Variants in LPAR1 observed in about 807,000 individuals in gnomAD.
LPAR1 encodes the protein LPA receptor 1.
A neutral mutation model predicts 23.8 loss-of-function variants in LPAR1; 5 were observed. The ratio of observed to expected loss-of-function variants is 0.21; its 90% CI spans 0.11 to 0.44. The LOEUF (loss-of-function observed/expected upper bound fraction) is 0.44. Ranked by LOEUF, LPAR1 falls within the 20% of genes least tolerant of loss-of-function variation. LPAR1 has a pLI of 0.99. For missense variants in LPAR1, 311 were observed against 482.8 expected (o/e 0.64, Z 3.33); for synonymous variants, 160 against 164.7 (o/e 0.97, Z 0.22).
chr9:111,009,311 C>T (rs1348353412), intron 2 of LPAR1, among the ~76,000 whole-genome samples: 3 of 151,602 alleles, frequency 2.0e-5, no homozygotes, highest in Non-Finnish European at 2.9e-5. Flanking sequence ...TCACTACAAA[C>T]GAATTACACA....
intron 2 of LPAR1, among the ~76,000 whole-genome samples, chr9:110,981,115 G>T (rs1470167871): frequency 6.6e-6 from 1 of 152,002 alleles, no homozygotes; most frequent in African/African-American, 2.4e-5. Context: ...TTAATCAGAG[G>T]TACTTGATAT....
chr9:110,999,392 C>T (rs2097085896), intron 2 of LPAR1: 2 of 456,020 alleles, frequency 4.4e-6, no homozygotes, highest in African/African-American at 4.0e-5. Flanking sequence ...CCCCACCCTA[C>T]CTCATTTTCC....
At chr9:110,884,336 G>A (rs1042574846) in intron 5 of LPAR1, among the ~76,000 whole-genome samples, 3 of 152,110 alleles carry the variant, frequency 2.0e-5, no homozygotes, top group African/African-American at 7.2e-5. Flanking sequence ...CCCTGATTAA[G>A]TCAAAAATCC....
At chr9:110,975,014 T>A (rs887837622) in intron 2 of LPAR1, among the ~76,000 whole-genome samples, 2 of 152,198 alleles carry the variant, frequency 1.3e-5, no homozygotes, top group East Asian at 1.9e-4. Context: ...CTCCCTCTTA[T>A]GTATTTATAA....
At chr9:110,917,192 A>T (rs1416965819) in intron 5 of LPAR1, among the ~76,000 whole-genome samples, 3 of 151,272 alleles carry the variant, frequency 2.0e-5, no homozygotes, top group Non-Finnish European at 1.5e-5. Context: ...ACAAAAAAAA[A>T]AAAAAAATTA....
intron 4 of LPAR1, among the ~76,000 whole-genome samples, chr9:110,949,742 T>C (rs1212469328): frequency 2.0e-5 from 3 of 152,182 alleles, no homozygotes; most frequent in African/African-American, 7.2e-5. Context: ...CTAAATAAAA[T>C]GCAAGTAAAT....
At chr9:110,925,508 G>C (rs953770103) in intron 5 of LPAR1, among the ~76,000 whole-genome samples, 2 of 152,144 alleles carry the variant, frequency 1.3e-5, no homozygotes, top group Admixed American at 6.5e-5. Flanking sequence ...ACTAGAGGAT[G>C]AATTTCTGGA....
chr9:111,020,792 T>C (rs890192028), intron 2 of LPAR1, among the ~76,000 whole-genome samples: 6 of 152,138 alleles, frequency 3.9e-5, no homozygotes, highest in South Asian at 2.1e-4. Context: ...TCCTGGCTGG[T>C]TTCCATATAA....
intron 5 of LPAR1, among the ~76,000 whole-genome samples, chr9:110,900,527 A>G (rs1033912496): frequency 1.3e-5 from 2 of 152,172 alleles, no homozygotes; most frequent in Non-Finnish European, 2.9e-5. Flanking sequence ...CTGTGCCGCA[A>G]GTACTTTCCT....
intron 2 of LPAR1, among the ~76,000 whole-genome samples, chr9:110,996,333 A>G (rs1395471539): frequency 6.6e-6 from 1 of 152,134 alleles, no homozygotes; most frequent in Non-Finnish European, 1.5e-5. Flanking sequence ...AAGGCAGGAC[A>G]ATCACTTGAG....
chr9:110,968,214 C>G (rs866709271), intron 4 of LPAR1, among the ~76,000 whole-genome samples: 1 of 152,248 alleles, frequency 6.6e-6, no homozygotes, highest in Non-Finnish European at 1.5e-5. Flanking sequence ...CCCATTTATG[C>G]TAATTCTAGC....
At chr9:110,974,232 C>A (rs1299133491) in intron 2 of LPAR1, among the ~76,000 whole-genome samples, 1 of 151,990 alleles carries the variant, frequency 6.6e-6, no homozygotes, top group South Asian at 2.1e-4. Context: ...CCTAGTTTCA[C>A]CAACATGCAA....
At chr9:111,025,695 C>T (rs949053170) in intron 2 of LPAR1, among the ~76,000 whole-genome samples, 2 of 152,136 alleles carry the variant, frequency 1.3e-5, no homozygotes. Flanking sequence ...ACATTTAAAT[C>T]TTTAATCCAC....
At chr9:110,877,091 C>A (rs2079310559) in intron 5 of LPAR1, among the ~76,000 whole-genome samples, 1 of 152,184 alleles carries the variant, frequency 6.6e-6, no homozygotes, top group South Asian at 2.1e-4. Context: ...TTAAATGGCG[C>A]TGGCTTTGGT....
chr9:110,948,800 T>C (rs1350288410), intron 4 of LPAR1, among the ~76,000 whole-genome samples: 3 of 151,916 alleles, frequency 2.0e-5, no homozygotes, highest in Admixed American at 2.0e-4. Context: ...TTAATACTAT[T>C]GGGAAACAGA....
chr9:110,982,906 A>T (rs903691180), intron 2 of LPAR1, among the ~76,000 whole-genome samples: 1 of 147,584 alleles, frequency 6.8e-6, no homozygotes, highest in African/African-American at 2.5e-5. Flanking sequence ...ACGGCCAAAC[A>T]TGAAGAGATG....
chr9:110,892,860 G>GGCAC (rs2084970929), intron 5 of LPAR1, among the ~76,000 whole-genome samples: 1 of 108,880 alleles, frequency 9.2e-6, no homozygotes, highest in Non-Finnish European at 2.1e-5. Context: ...CAGGCAGGCA[G>GGCAC]GCAGGCATGC....
intron 2 of LPAR1, among the ~76,000 whole-genome samples, chr9:111,018,764 T>G (rs1588887121): frequency 6.6e-6 from 1 of 152,218 alleles, no homozygotes; most frequent in African/African-American, 2.4e-5. Flanking sequence ...CAAATGATAT[T>G]ACTTTCAAAT....
chr9:110,894,801 A>G (rs2085730718), intron 5 of LPAR1, among the ~76,000 whole-genome samples: 1 of 151,980 alleles, frequency 6.6e-6, no homozygotes, highest in African/African-American at 2.4e-5. Flanking sequence ...GGATCGCTTG[A>G]GCCCAGGAGT....
Sources: allele counts gnomAD v4.1 joint callset (sites outside exome capture counted in the v4.1 genomes callset), GRCh38; gene constraint gnomAD v4.1.1; transcripts MANE v1.5; gene names NCBI Gene and HGNC (gene_info 2026-07-23, HGNC 2026-07-21).